Variants in L3MBTL3 observed in about 807,000 individuals in gnomAD.
L3MBTL3 encodes lethal(3)malignant brain tumor-like protein 3.
L3MBTL3 carries 27 observed loss-of-function variants against 102.3 expected under a neutral mutation model. That is an observed-to-expected ratio of 0.26 (90% CI 0.19 to 0.36). The LOEUF is 0.36. Among genes scored for constraint, L3MBTL3 ranks in the 10% least tolerant of loss-of-function variants. The probability of loss-of-function intolerance (pLI) is 1.00; values close to 1 mark genes in which losing one functional copy is unlikely to be tolerated. For synonymous variants in L3MBTL3, 340 were observed against 320.9 expected (o/e 1.06, Z -0.64); for missense variants, 798 against 955.3 (o/e 0.84, Z 2.17).
Position 130,139,857 on chromosome 6 carries a change from A to G in L3MBTL3, c.*104A>G. 1 of 996,078 alleles carries G rather than the reference A, an allele frequency of 1.0e-6. No homozygotes were observed. The allele number at this position is 996,078 out of a possible 1,614,324, so 61.7% of individuals were successfully genotyped here. A position where few individuals can be genotyped will look rare whatever the true frequency, so the allele number is the denominator to read the frequency against. ...CCTAAGTGAGAAGTCTCCAAAACTCAAAAGAGCAACACTATCGGATTATTT... is the reference window on the plus strand; with the variant it reads ...CCTAAGTGAGAAGTCTCCAAAACTCGAAAGAGCAACACTATCGGATTATTT... On this transcript the variant is annotated 3_prime_UTR_variant, in exon 23 of 23. Transcript: ENST00000361794.
intron 22 of L3MBTL3, chr6:130,138,138 T>G (rs1787902971): frequency 6.6e-6 from 1 of 152,224 alleles, no homozygotes; most frequent in Non-Finnish European, 1.5e-5. Flanking sequence ...GTCTTTCATT[T>G]TTAAAGGAGA....
Position 130,117,326 on chromosome 6 carries a change from T to G in L3MBTL3, c.1887-3553T>G, listed in dbSNP as rs868171082. Among the ~76,000 whole-genome samples the G allele has an allele frequency of 7.3e-5, 11 of 151,380 alleles. No individual in the cohort carries two copies. The South Asian group carries it at 2.1e-3, about 29-fold the overall frequency. On this transcript the variant is annotated intron_variant, in intron 19 of 22. Transcript: ENST00000361794. ...CTCATCATTTTTTATGGCTGCATAG[T>G]ATTCCATGGTGTATATGTGCCACAT...
chr6:130,071,227 G>T (rs1411073830), intron 13 of L3MBTL3, 100 bp downstream of exon 13: 12 of 1,054,166 alleles, frequency 1.1e-5, no homozygotes, highest in Non-Finnish European at 1.6e-5. Flanking sequence ...AAAAAAAGCA[G>T]TGTTCTGCCC....
chr6:130,076,650 T>C (rs1782969815), intron 13 of L3MBTL3, among the ~76,000 whole-genome samples: 1 of 152,188 alleles, frequency 6.6e-6, no homozygotes, highest in African/African-American at 2.4e-5. Flanking sequence ...AATCAGTGTT[T>C]TGTCATACTT....
intron 2 of L3MBTL3, among the ~76,000 whole-genome samples, chr6:130,029,723 G>A (rs554421899): frequency 1.1e-4 from 17 of 152,196 alleles, no homozygotes; most frequent in East Asian, 3.9e-4. Context: ...ATTGGCCTTC[G>A]CACAGTTTTC....
chr6:130,062,371 C>T (rs991225557), intron 10 of L3MBTL3, among the ~76,000 whole-genome samples: 14 of 151,476 alleles, frequency 9.2e-5, no homozygotes, highest in African/African-American at 3.4e-4. Context: ...GACAAACACA[C>T]GCGCGCACAC....
intron 19 of L3MBTL3, among the ~76,000 whole-genome samples, chr6:130,112,756 C>T (rs1163734832): frequency 1.3e-5 from 2 of 152,068 alleles, no homozygotes; most frequent in African/African-American, 4.8e-5. Context: ...ATGCTTGGAT[C>T]TCTTTTCCTA....
chr6:130,138,784 T>G (rs1477483379), intron 22 of L3MBTL3, among the ~76,000 whole-genome samples: 2 of 151,788 alleles, frequency 1.3e-5, no homozygotes, highest in Non-Finnish European at 1.5e-5. Context: ...TTTTTTAAGG[T>G]GATAGAAGAG....
chr6:130,042,913 A>G, intron 3 of L3MBTL3, 112 bp downstream of exon 3: 1 of 697,648 alleles, frequency 1.4e-6, no homozygotes, highest in East Asian at 2.7e-5. Flanking sequence ...ATAGTGGTGT[A>G]GGTTTTAGAT....
At chr6:130,075,355 G>A (rs1408018506) in intron 13 of L3MBTL3, among the ~76,000 whole-genome samples, 2 of 152,106 alleles carry the variant, frequency 1.3e-5, no homozygotes, top group Non-Finnish European at 2.9e-5. Context: ...GAAGGAATGG[G>A]TACTTAGAGG....
intron 11 of L3MBTL3, among the ~76,000 whole-genome samples, chr6:130,066,913 C>T (rs1013340297): frequency 1.1e-4 from 16 of 151,862 alleles, no homozygotes; most frequent in African/African-American, 3.9e-4. Context: ...TATGCTTGAC[C>T]GTATAGATCT....
At chr6:130,065,187 AT>A (rs1467882369) in intron 10 of L3MBTL3, among the ~76,000 whole-genome samples, 2 of 152,316 alleles carry the variant, frequency 1.3e-5, no homozygotes, top group Admixed American at 1.3e-4. Context: ...AAAGTCCATC[AT>A]TCCCATTTTG....
Position 130,133,445 on chromosome 6 carries a change from T to G in L3MBTL3, c.1967-7T>G. ...AGAGTGATTTCCCATTTGTTTTCAT[T>G]GACCAGGTGCCCGGGAAGAACCCAC... On this transcript the variant is annotated splice_region_variant and splice_polypyrimidine_tract_variant and intron_variant, in intron 20 of 22. Coordinates refer to ENST00000361794, the MANE Select transcript of L3MBTL3 (RefSeq NM_032438.4). This position sits in a 1 kb window ranked among gnomAD's most constrained non-coding sequence, Gnocchi z 4.9. 1 of 1,612,638 alleles carries G rather than the reference T, an allele frequency of 6.2e-7. No individual in the cohort carries two copies. The highest frequency in any genetic ancestry group is 2.2e-5 in the East Asian group (1 of 44,846).
intron 16 of L3MBTL3, among the ~76,000 whole-genome samples, chr6:130,088,236 G>A (rs1783814797): frequency 6.6e-6 from 1 of 152,164 alleles, no homozygotes; most frequent in Non-Finnish European, 1.5e-5. Flanking sequence ...CATAGCTGAA[G>A]ATGAACCATG....
chr6:130,039,326 C>G (rs551639310), intron 2 of L3MBTL3, among the ~76,000 whole-genome samples: 1 of 152,082 alleles, frequency 6.6e-6, no homozygotes, highest in South Asian at 2.1e-4. Flanking sequence ...TAAAAAAAAG[C>G]AACAGTATTT....
chr6:130,042,656 T>C, intron 2 of L3MBTL3, 29 bp from the exon 3 acceptor site: 4 of 1,260,134 alleles, frequency 3.2e-6, no homozygotes, highest in Non-Finnish European at 4.7e-6. Flanking sequence ...GTGGAATATT[T>C]AGTGATATGC....
At chr6:130,025,410 C>T (rs950440260) in intron 2 of L3MBTL3, among the ~76,000 whole-genome samples, 4 of 152,032 alleles carry the variant, frequency 2.6e-5, no homozygotes, top group East Asian at 1.9e-4. Flanking sequence ...AAATGATGAA[C>T]GGATTTGTAT....
intron 22 of L3MBTL3, among the ~76,000 whole-genome samples, chr6:130,135,736 C>T (rs974842561): frequency 6.6e-6 from 1 of 152,132 alleles, no homozygotes; most frequent in African/African-American, 2.4e-5. Flanking sequence ...ATGAATTATT[C>T]ATTCATTTAC....
chr6:130,082,906 G>T (rs1354220366), intron 14 of L3MBTL3, among the ~76,000 whole-genome samples: 1 of 152,090 alleles, frequency 6.6e-6, no homozygotes, highest in African/African-American at 2.4e-5. Flanking sequence ...CTTCATTCTG[G>T]TTTCCCTCAA....
Sources: gnomAD v4.1 joint callset for allele counts (sites outside exome capture counted in the v4.1 genomes callset) on GRCh38, gnomAD v4.1.1 for gene constraint, Gnocchi (gnomAD v3.1) non-coding constraint, MANE v1.5 for transcripts, NCBI Gene and HGNC (gene_info 2026-07-23, HGNC 2026-07-21) for gene names.